RABGAP1L: variants seen among roughly 807,000 people sequenced by gnomAD.
RABGAP1L encodes the protein RAB GTPase activating protein 1 like.
Under a neutral mutation model 137.7 loss-of-function variants are expected in RABGAP1L, and 63 were observed. The observed-to-expected ratio is 0.46, with a 90% CI of 0.37 to 0.56. RABGAP1L has a LOEUF of 0.56. Ranked by LOEUF, RABGAP1L falls within the 20% of genes least tolerant of loss-of-function variation. The pLI is 0.00. For synonymous variants in RABGAP1L, 431 were observed against 433.7 expected (o/e 0.99, Z 0.08); for missense variants, 1,095 against 1,244.0 (o/e 0.88, Z 1.80).
At chr1:174,974,080 C>T (rs1406526395) in intron 21 of RABGAP1L, among the ~76,000 whole-genome samples, 1 of 148,356 alleles carries the variant, frequency 6.7e-6, no homozygotes, top group African/African-American at 2.5e-5. Context: ...GCTCCGCCTC[C>T]TGGTTTCACG....
chr1:174,366,152 A>G (rs1684592188), intron 11 of RABGAP1L, among the ~76,000 whole-genome samples: 1 of 152,186 alleles, frequency 6.6e-6, no homozygotes, highest in African/African-American at 2.4e-5. Flanking sequence ...TACTATCAAA[A>G]TATCCAGGTT....
chr1:174,621,711 A>T (rs1218844414), intron 13 of RABGAP1L, among the ~76,000 whole-genome samples: 1 of 152,198 alleles, frequency 6.6e-6, no homozygotes. Flanking sequence ...TTCAAGATGG[A>T]TTAAAGACTT....
At chr1:174,233,295 A>G (rs1670848863) in intron 4 of RABGAP1L, among the ~76,000 whole-genome samples, 1 of 151,150 alleles carries the variant, frequency 6.6e-6, no homozygotes, top group Admixed American at 6.6e-5. Flanking sequence ...TTTAAGTTTT[A>G]GGGTACATGT....
Position 174,606,502 on chromosome 1 carries a change from G to T in RABGAP1L, c.1711-30873G>T, listed in dbSNP as rs186472940. On this transcript the variant is annotated intron_variant, in intron 13 of 25. Transcript: ENST00000681986. ...CTTCTGTGACCAGAACATTTTTTAA[G>T]ACGTTAATTGGTTGGTCTTTATTTG... 4.3e-3 allele frequency among the ~76,000 whole-genome samples: 662 copies of T among 152,288 alleles called. 4 individuals carry two copies. The highest frequency in any genetic ancestry group is 7.0e-3 in the Non-Finnish European group (477 of 68,024).
chr1:174,972,431 C>T (rs1670215371), intron 21 of RABGAP1L, among the ~76,000 whole-genome samples: 1 of 152,198 alleles, frequency 6.6e-6, no homozygotes, highest in African/African-American at 2.4e-5. Context: ...CATTGCAATG[C>T]TTGTTTCTCT....
intron 11 of RABGAP1L, among the ~76,000 whole-genome samples, chr1:174,340,131 A>G (rs527662913): frequency 6.6e-6 from 1 of 152,126 alleles, no homozygotes; most frequent in African/African-American, 2.4e-5. Context: ...TACTTTGTAG[A>G]TATACTATTT....
intron 13 of RABGAP1L, among the ~76,000 whole-genome samples, chr1:174,425,158 G>C (rs934688298): frequency 6.6e-6 from 1 of 152,124 alleles, no homozygotes; most frequent in South Asian, 2.1e-4. Context: ...GATTTGACCT[G>C]TATAACCAAT....
intron 1 of RABGAP1L, among the ~76,000 whole-genome samples, chr1:174,197,605 C>T (rs1169597958): frequency 6.6e-6 from 1 of 152,058 alleles, no homozygotes; most frequent in Admixed American, 6.6e-5. Context: ...ATCTGTTATG[C>T]CTGGACAACA....
At chr1:174,255,959 A>G (rs1251159592) in intron 7 of RABGAP1L, among the ~76,000 whole-genome samples, 1 of 152,216 alleles carries the variant, frequency 6.6e-6, no homozygotes, top group Admixed American at 6.5e-5. Flanking sequence ...AAGAATAGGG[A>G]TATCGCTTAC....
At chr1:174,325,629 T>A (rs1680372749) in intron 11 of RABGAP1L, among the ~76,000 whole-genome samples, 1 of 151,964 alleles carries the variant, frequency 6.6e-6, no homozygotes, top group African/African-American at 2.4e-5. Flanking sequence ...TTGGAAAAAA[T>A]GAGTTGGAGC....
At chr1:174,192,361 T>C (rs1667275678) in intron 1 of RABGAP1L, among the ~76,000 whole-genome samples, 1 of 149,522 alleles carries the variant, frequency 6.7e-6, no homozygotes, top group Non-Finnish European at 1.5e-5. Flanking sequence ...TGTCACTCTG[T>C]TGCCCAGCCT....
intron 19 of RABGAP1L, among the ~76,000 whole-genome samples, chr1:174,933,786 A>C (rs1232581918): frequency 6.6e-6 from 1 of 152,146 alleles, no homozygotes; most frequent in Non-Finnish European, 1.5e-5. Context: ...TCTCTGGCAT[A>C]ATGAAGACTC....
intron 13 of RABGAP1L, among the ~76,000 whole-genome samples, chr1:174,636,348 T>C (rs1227350554): frequency 6.6e-6 from 1 of 151,958 alleles, no homozygotes; most frequent in African/African-American, 2.4e-5. Flanking sequence ...TGAAACCCCA[T>C]CTCTACTAAA....
intron 19 of RABGAP1L, among the ~76,000 whole-genome samples, chr1:174,917,090 C>A (rs928903551): frequency 6.6e-6 from 1 of 152,098 alleles, no homozygotes; most frequent in Admixed American, 6.5e-5. Context: ...TCTTCCTCTT[C>A]TTGTAAGGAC....
At chr1:174,615,957 C>G (rs539563164) in intron 13 of RABGAP1L, among the ~76,000 whole-genome samples, 2 of 152,206 alleles carry the variant, frequency 1.3e-5, no homozygotes, top group Non-Finnish European at 2.9e-5. Flanking sequence ...GTGGGAGTTA[C>G]CCGATTTTCC....
At chr1:174,637,610 GCA>G (rs1674168461) in intron 14 of RABGAP1L, 122 bp downstream of exon 14, 5 of 707,788 alleles carry the variant, frequency 7.1e-6, no homozygotes, top group South Asian at 3.6e-5. Context: ...TTTCTGCTTT[GCA>G]CACACGCTAT....
At chr1:174,934,734 T>C (rs1664459612) in intron 19 of RABGAP1L, among the ~76,000 whole-genome samples, 1 of 152,152 alleles carries the variant, frequency 6.6e-6, no homozygotes, top group African/African-American at 2.4e-5. Flanking sequence ...ATGCCTTCAG[T>C]AAACTGAGAT....
intron 1 of RABGAP1L, among the ~76,000 whole-genome samples, chr1:174,213,513 A>C (rs1455155187): frequency 6.6e-6 from 1 of 152,236 alleles, no homozygotes; most frequent in East Asian, 1.9e-4. Flanking sequence ...AAGACACATC[A>C]AAAACAAACA....
intron 19 of RABGAP1L, among the ~76,000 whole-genome samples, chr1:174,813,231 C>G (rs1690055922): frequency 6.6e-6 from 1 of 151,946 alleles, no homozygotes; most frequent in Admixed American, 6.6e-5. Flanking sequence ...ATAGACTGAA[C>G]CAGGGTGTTA....
Sources: gnomAD v4.1 joint callset for allele counts (sites outside exome capture counted in the v4.1 genomes callset) on GRCh38, gnomAD v4.1.1 for gene constraint, MANE v1.5 for transcripts, NCBI Gene and HGNC (gene_info 2026-07-23, HGNC 2026-07-21) for gene names.